Variants in FOCAD observed in about 807,000 individuals in gnomAD.
FOCAD encodes the protein focadhesin, also known as KIAA1797.
FOCAD carries 198 observed loss-of-function variants against 225.6 expected under a neutral mutation model. The observed-to-expected ratio is 0.88, with a 90% CI of 0.78 to 0.99. The LOEUF is 0.99. FOCAD is among the 50% of genes least tolerant of loss of function. The pLI is 0.00. For missense variants in FOCAD, 2,713 were observed against 2,123.6 expected (o/e 1.28, Z -5.46); for synonymous variants, 897 against 755.0 (o/e 1.19, Z -3.08).
intron 10 of FOCAD, among the ~76,000 whole-genome samples, chr9:20,782,535 C>A (rs558501258): frequency 6.6e-6 from 1 of 152,278 alleles, no homozygotes; most frequent in East Asian, 1.9e-4. Flanking sequence ...GTTACAATAA[C>A]GTGAAAGTGT....
chr9:20,866,032 C>G, intron 17 of FOCAD, 56 bp downstream of exon 17: 1 of 1,430,304 alleles, frequency 7.0e-7, no homozygotes, highest in Non-Finnish European at 9.6e-7. Context: ...ATAATTTTGA[C>G]ATTTGTAAAA....
At chr9:20,804,743 C>T (rs1202442933) in intron 11 of FOCAD, among the ~76,000 whole-genome samples, 1 of 151,854 alleles carries the variant, frequency 6.6e-6, no homozygotes, top group Non-Finnish European at 1.5e-5. Flanking sequence ...GGACATTCAC[C>T]CTTTTATGGT....
chr9:20,734,743 C>G (rs1826997420), intron 4 of FOCAD, among the ~76,000 whole-genome samples: 1 of 152,154 alleles, frequency 6.6e-6, no homozygotes, highest in South Asian at 2.1e-4. Flanking sequence ...CTCCTGGGCT[C>G]AAGTGATCCT....
chr9:20,868,233 G>A (rs1829460528), intron 18 of FOCAD, among the ~76,000 whole-genome samples: 1 of 152,058 alleles, frequency 6.6e-6, no homozygotes, highest in South Asian at 2.1e-4. Context: ...CAATAGATTA[G>A]CTACAGCATC....
At chr9:20,742,526 C>T (rs1390163615) in intron 5 of FOCAD, among the ~76,000 whole-genome samples, 1 of 152,170 alleles carries the variant, frequency 6.6e-6, no homozygotes, top group Non-Finnish European at 1.5e-5. Flanking sequence ...AATGCAGAAC[C>T]TTGGACTCCA....
intron 24 of FOCAD, among the ~76,000 whole-genome samples, chr9:20,919,726 T>G (rs915285765): frequency 2.0e-5 from 3 of 152,202 alleles, no homozygotes; most frequent in Admixed American, 6.5e-5. Context: ...ATTCCCTATT[T>G]CATAAATGGT....
chr9:20,661,417 T>C (rs1340893062), intron 2 of FOCAD, among the ~76,000 whole-genome samples: 2 of 152,138 alleles, frequency 1.3e-5, no homozygotes, highest in Non-Finnish European at 2.9e-5. Context: ...CAGGCTGTGA[T>C]AGAAAAACCT....
chr9:20,992,942 A>T (rs930894766), intron 42 of FOCAD, among the ~76,000 whole-genome samples: 1 of 151,824 alleles, frequency 6.6e-6, no homozygotes, highest in African/African-American at 2.4e-5. Context: ...CAGCCTGGTG[A>T]CAGAGCAAGA....
At position 20,805,786 on chromosome 9, in the gene FOCAD, G is replaced by A. The variant is rs545079163; in HGVS notation, c.1456-14010G>A. Among the ~76,000 whole-genome samples the A allele has an allele frequency of 1.2e-4, 18 of 152,278 alleles. No homozygotes were observed. In the South Asian group the frequency reaches 1.5e-3, roughly 12 times the overall value. ...CGAAGGAATAGGGGAAAGGGGATACGTTGTCAGAAAGAATAATACATAGAT... is the reference window on the plus strand; with the variant it reads ...CGAAGGAATAGGGGAAAGGGGATACATTGTCAGAAAGAATAATACATAGAT... On this transcript the variant is annotated intron_variant, in intron 11 of 43. Coordinates refer to ENST00000338382, the MANE Select transcript of FOCAD (RefSeq NM_001375567.1).
At chr9:20,689,511 G>A (rs1822855225) in intron 1 of FOCAD, among the ~76,000 whole-genome samples, 2 of 152,214 alleles carry the variant, frequency 1.3e-5, no homozygotes, top group Admixed American at 6.5e-5. Context: ...GGACTTGGAA[G>A]GATGATTAGC....
chr9:20,916,937 A>G lies in FOCAD; in HGVS notation c.2852A>G (p.Lys951Arg), dbSNP rs1399088902. The G allele has an allele frequency of 2.5e-6, 4 of 1,601,586 alleles. No homozygotes were observed. In the East Asian group the frequency reaches 9.0e-5, roughly 36 times the overall value. The change falls in exon 24 of 44, where the codon AAG (lysine) becomes AGG (arginine). Residue 951 changes from lysine to arginine, a missense_variant and splice_region_variant. Physicochemically the swap from Lys to Arg is conservative, Grantham distance 26. Coordinates refer to ENST00000338382, the MANE Select transcript of FOCAD (RefSeq NM_001375567.1). Reference sequence around the variant, plus strand: ...GATGAGATCACCAAGGCAGCTGCAAAGTAAGATCCATTTAGTCTTTTATCA... The same window carrying G: ...GATGAGATCACCAAGGCAGCTGCAAGGTAAGATCCATTTAGTCTTTTATCA... ...LTDEITKAAA[K>R]ESPVVKGNAL...
chr9:20,956,462 C>T (rs973705304), intron 35 of FOCAD, among the ~76,000 whole-genome samples: 5 of 152,054 alleles, frequency 3.3e-5, no homozygotes, highest in African/African-American at 1.2e-4. Context: ...TTGGAGATAG[C>T]CATTATAAAT....
At chr9:20,797,341 C>T (rs1311330409) in intron 11 of FOCAD, among the ~76,000 whole-genome samples, 2 of 152,116 alleles carry the variant, frequency 1.3e-5, no homozygotes, top group Non-Finnish European at 2.9e-5. Flanking sequence ...TAGTTTTTTC[C>T]AATTCTGTGA....
intron 24 of FOCAD, among the ~76,000 whole-genome samples, chr9:20,922,738 G>C (rs1478476693): frequency 6.6e-6 from 1 of 152,150 alleles, no homozygotes; most frequent in Non-Finnish European, 1.5e-5. Flanking sequence ...GTATTTATGG[G>C]AACCCACATC....
At chr9:20,683,063 C>T (rs1822452395), upstream of FOCAD, among the ~76,000 whole-genome samples, 1 of 152,118 alleles carries the variant, frequency 6.6e-6, no homozygotes, top group Non-Finnish European at 1.5e-5. Flanking sequence ...CCCCACCTGG[C>T]CCCAAGATTA....
intron 21 of FOCAD, among the ~76,000 whole-genome samples, chr9:20,898,639 C>A (rs1832305507): frequency 6.6e-6 from 1 of 151,820 alleles, no homozygotes; most frequent in Non-Finnish European, 1.5e-5. Context: ...TCTTTATTAT[C>A]TTTTATGGCC....
chr9:20,937,905 A>C (rs1242897300), intron 28 of FOCAD, among the ~76,000 whole-genome samples: 1 of 152,234 alleles, frequency 6.6e-6, no homozygotes, highest in African/African-American at 2.4e-5. Context: ...CAACCCCATC[A>C]ACAAGTGGGC....
At chr9:20,936,913 A>T (rs1199408700) in intron 28 of FOCAD, among the ~76,000 whole-genome samples, 1 of 152,226 alleles carries the variant, frequency 6.6e-6, no homozygotes, top group Admixed American at 6.5e-5. Flanking sequence ...CAAAAATCAC[A>T]AACATTTTTA....
intron 40 of FOCAD, 134 bp from the exon 41 acceptor site, chr9:20,988,198 T>C (rs967930752): frequency 6.0e-6 from 3 of 503,830 alleles, no homozygotes; most frequent in Non-Finnish European, 1.1e-5. Context: ...GTCTCGGGTA[T>C]TGCAAGGGAA....
Sources: gnomAD v4.1 joint callset for allele counts (sites outside exome capture counted in the v4.1 genomes callset) on GRCh38, gnomAD v4.1.1 for gene constraint, MANE v1.5 for transcripts, NCBI Gene and HGNC (gene_info 2026-07-23, HGNC 2026-07-21) for gene names.